BTD: variants seen among roughly 807,000 people sequenced by gnomAD.
BTD encodes the protein biotinidase, also known as biocytinase.
A neutral mutation model predicts 17.7 loss-of-function variants in BTD; 13 were observed. That is an observed-to-expected ratio of 0.74 (90% CI 0.48 to 1.17). The LOEUF (loss-of-function observed/expected upper bound fraction) is 1.17, where lower values mean the gene tolerates loss of function less well. BTD is among the 50% of genes most tolerant of loss of function. The pLI is 0.00. For synonymous variants in BTD, 240 were observed against 245.2 expected, an observed-to-expected ratio of 0.98 and a Z score of 0.20; for missense variants, 674 against 650.4, an observed-to-expected ratio of 1.04 and a Z score of -0.39.
In BTD at chr3:15,650,797, T is replaced by G. The variant is rs908790535; in HGVS notation, c.*5309T>G. Among the ~76,000 whole-genome samples, 1 of 152,098 alleles carries G rather than the reference T, an allele frequency of 6.6e-6. No homozygotes were observed. Among genetic ancestry groups the G allele is most frequent in the Non-Finnish European group, 1.5e-5 (1 of 68,002 alleles). Reference sequence around the variant, plus strand: ...ATTCTTTTGTTTTTTTGAGATGGAGTCTTGCTCTGTCGCCCGGGCAGGAGT... The same window carrying G: ...ATTCTTTTGTTTTTTTGAGATGGAGGCTTGCTCTGTCGCCCGGGCAGGAGT... On this transcript the variant is annotated 3_prime_UTR_variant, in exon 4 of 4. Coordinates refer to ENST00000643237, the MANE Select transcript of BTD (RefSeq NM_001370658.1).
rs2125511398 is a variant in BTD at position 15,646,512 on chromosome 3, G to T, written c.*1024G>T. 6.6e-6 allele frequency: 1 copy of T among 152,328 alleles called. No individual in the cohort carries two copies. Among genetic ancestry groups the T allele is most frequent in the Non-Finnish European group, 1.5e-5 (1 of 68,024 alleles). The allele number at this position is 152,328 out of a possible 1,614,324, so 9.4% of individuals were successfully genotyped here. On this transcript the variant is annotated 3_prime_UTR_variant, in exon 4 of 4. Coordinates refer to ENST00000643237, the MANE Select transcript of BTD (RefSeq NM_001370658.1). ...CAATCACCCAACAGGCACAGAGCAG[G>T]AGCTTCCCATGTTAGGAATTCCAGA...
downstream of BTD, among the ~76,000 whole-genome samples, chr3:15,658,179 A>AAAAG (rs568022373): frequency 2.6e-5 from 4 of 151,858 alleles, no homozygotes; most frequent in African/African-American, 9.7e-5. Flanking sequence ...AAAAAAAAAA[A>AAAAG]AAAGAAAGAA....
chr3:15,663,051 G>A (rs940890238), intron 3 of BTD, among the ~76,000 whole-genome samples: 3 of 151,850 alleles, frequency 2.0e-5, no homozygotes, highest in African/African-American at 7.3e-5. Flanking sequence ...AGGCTGGAGT[G>A]CAATGGCGTG....
intron 3 of BTD, chr3:15,689,769 G>C (rs2068575873): frequency 2.9e-6 from 1 of 345,480 alleles, no homozygotes. Context: ...GGTTTACTTG[G>C]GTTGATATAA....
intron 3 of BTD, chr3:15,686,033 T>C (rs1018593942): frequency 1.2e-6 from 2 of 1,613,600 alleles, no homozygotes; most frequent in Non-Finnish European, 1.7e-6. Context: ...TCCCCACTTA[T>C]CTTTGGCATC....
At chr3:15,685,369 C>T (rs1192750949) in intron 3 of BTD, 2 of 1,613,976 alleles carry the variant, frequency 1.2e-6, no homozygotes, top group South Asian at 1.1e-5. Flanking sequence ...AGGCGTCCGG[C>T]CCCTGCTATC....
At chr3:15,678,248 G>C (rs761189148) in intron 3 of BTD, 2 of 1,612,524 alleles carry the variant, frequency 1.2e-6, no homozygotes, top group South Asian at 1.1e-5. Flanking sequence ...GCCATCATAA[G>C]AGGTGTTTTC....
rs12490795 is a variant in BTD at position 15,653,123 on chromosome 3, G to C, written c.*7635G>C. On this transcript the variant is annotated 3_prime_UTR_variant, in exon 4 of 4. Coordinates refer to ENST00000643237, the MANE Select transcript of BTD (RefSeq NM_001370658.1). ...GCTCTCGAAAGGTGGGCTCCAGGCA[G>C]CAGCACCAGTAGCACCTGGGAAATT... 0.11 allele frequency among the ~76,000 whole-genome samples: 16,283 copies of C among 152,250 alleles called. 1,175 individuals carry two copies. The highest frequency in any genetic ancestry group is 0.4 in the East Asian group (2,081 of 5,166).
chr3:15,664,743 A>T (rs553307748), intron 3 of BTD, among the ~76,000 whole-genome samples: 8 of 152,358 alleles, frequency 5.3e-5, no homozygotes, highest in African/African-American at 1.9e-4. Context: ...AAAGATGAAA[A>T]TTTAATTTTT....
intron 3 of BTD, chr3:15,685,126 G>T (rs911010411): frequency 4.8e-6 from 6 of 1,249,648 alleles, no homozygotes; most frequent in Admixed American, 3.6e-5. Context: ...TATTCCCAAG[G>T]TTTTTGCTAA....
intron 3 of BTD, chr3:15,667,563 T>C (rs2125551785): frequency 6.6e-6 from 1 of 152,338 alleles, no homozygotes; most frequent in African/African-American, 2.4e-5. Flanking sequence ...GGTGTAACCA[T>C]AAAGGAAATT....
At chr3:15,638,287 T>C (rs1353366293) in intron 2 of BTD, among the ~76,000 whole-genome samples, 1 of 152,154 alleles carries the variant, frequency 6.6e-6, no homozygotes, top group African/African-American at 2.4e-5. Context: ...TCCTAAGTCT[T>C]GGACTTTCCA....
At chr3:15,612,286 A>C (rs2064659540) in intron 1 of BTD, among the ~76,000 whole-genome samples, 2 of 152,186 alleles carry the variant, frequency 1.3e-5, no homozygotes, top group Admixed American at 6.5e-5. Context: ...TTTTTCAAAG[A>C]AGGCTGATGA....
downstream of BTD, among the ~76,000 whole-genome samples, chr3:15,658,527 A>AT (rs58540376): frequency 8.0e-5 from 12 of 150,864 alleles, no homozygotes; most frequent in Non-Finnish European, 1.3e-4. Flanking sequence ...CTTCAGACCG[A>AT]TTTTTTTTTT....
rs114399908 is a variant in BTD, at chr3:15,621,193, T to C, written c.-16-14231T>C. Among the ~76,000 whole-genome samples the C allele has an allele frequency of 5.2e-3, 786 of 152,346 alleles. 4 individuals carry two copies. The highest frequency in any genetic ancestry group is 8.6e-3 in the Non-Finnish European group (588 of 68,030). On this transcript the variant is annotated intron_variant, in intron 1 of 3. Transcript: ENST00000643237. ...GTGCACTTAGACTCACACACTCATC[T>C]CCTCATGCTGATCACAAGCACATCC...
chr3:15,686,353 T>TA, intron 3 of BTD: 1 of 1,421,498 alleles, frequency 7.0e-7, no homozygotes, highest in Non-Finnish European at 9.7e-7. Context: ...CATATAATGA[T>TA]AAAATAGAAA....
Position 15,607,788 on chromosome 3 carries a change from C to CA in BTD, c.-17+5901dup, listed in dbSNP as rs1223439450. On this transcript the variant is annotated intron_variant, in intron 1 of 3. Transcript: ENST00000643237. ...CTTAAAAATAAAAAGGCGGAAACAA[C>CA]AAAAAAAGGAGTCTATGTAGAACAC... Among the ~76,000 whole-genome samples, 3 of 151,494 alleles carry CA rather than the reference C, an allele frequency of 2.0e-5. No individual in the cohort carries two copies. In the East Asian group the frequency reaches 5.8e-4, roughly 29 times the overall value.
At chr3:15,720,843 A>G in intron 4 of BTD, 3 of 1,350,832 alleles carry the variant, frequency 2.2e-6, no homozygotes, top group South Asian at 1.3e-5. Flanking sequence ...TTATTGCTCA[A>G]TGGTATTCAC....
At chr3:15,630,835 A>G (rs2065186588) in intron 1 of BTD, among the ~76,000 whole-genome samples, 1 of 152,168 alleles carries the variant, frequency 6.6e-6, no homozygotes, top group African/African-American at 2.4e-5. Flanking sequence ...ATGAGACATC[A>G]AACGTCTTGG....
Sources: allele counts gnomAD v4.1 joint callset (sites outside exome capture counted in the v4.1 genomes callset), GRCh38; gene constraint gnomAD v4.1.1; transcripts MANE v1.5; gene names NCBI Gene and HGNC (gene_info 2026-07-23, HGNC 2026-07-21).